Variants in USP53 observed in about 807,000 individuals in gnomAD.
The protein encoded by USP53 is ubiquitin specific peptidase 53, also known as ubiquitin carboxyl-terminal hydrolase 53.
Under a neutral mutation model 94.9 loss-of-function variants are expected in USP53, and 71 were observed. The observed-to-expected ratio is 0.75, with a 90% CI of 0.62 to 0.91. The LOEUF is 0.91. Among genes scored for constraint, USP53 ranks in the 40% least tolerant of loss-of-function variants. USP53 has a pLI of 0.00. For synonymous variants in USP53, 375 were observed against 422.7 expected (o/e 0.89, Z 1.39); for missense variants, 1,173 against 1,281.0 (o/e 0.92, Z 1.29).
At chr4:119,257,700 AT>A (rs1749958637) in intron 9 of USP53, among the ~76,000 whole-genome samples, 1 of 152,172 alleles carries the variant, frequency 6.6e-6, no homozygotes, top group African/African-American at 2.4e-5. Flanking sequence ...AATAATAACA[AT>A]TTCGTTATTT....
chr4:119,222,666 T>C (rs1744709876), intron 3 of USP53, among the ~76,000 whole-genome samples: 1 of 152,204 alleles, frequency 6.6e-6, no homozygotes, highest in East Asian at 1.9e-4. Context: ...CCATTATGTA[T>C]ACATACCACA....
chr4:119,257,153 G>C (rs1490681006), intron 9 of USP53, among the ~76,000 whole-genome samples: 1 of 152,088 alleles, frequency 6.6e-6, no homozygotes, highest in Non-Finnish European at 1.5e-5. Flanking sequence ...ATAAATATTT[G>C]GCATGTGGCT....
intron 17 of USP53, among the ~76,000 whole-genome samples, chr4:119,285,981 C>T (rs1266465300): frequency 6.6e-6 from 1 of 151,724 alleles, no homozygotes; most frequent in Non-Finnish European, 1.5e-5. Context: ...GTGCAAAAAG[C>T]ATTTATTGAC....
intron 3 of USP53, among the ~76,000 whole-genome samples, chr4:119,231,568 G>A (rs570877730): frequency 3.9e-5 from 6 of 152,244 alleles, no homozygotes; most frequent in Middle Eastern, 3.4e-3. Context: ...CCTCTGGGTT[G>A]GAGGTCCCCA....
At chr4:119,247,184 G>C (rs2149345526) in intron 6 of USP53, among the ~76,000 whole-genome samples, 1 of 152,096 alleles carries the variant, frequency 6.6e-6, no homozygotes, top group East Asian at 1.9e-4. Flanking sequence ...TAATTTCCTA[G>C]ACCAACTCTC....
chr4:119,227,256 T>TACACACAC (rs3138727), intron 3 of USP53, among the ~76,000 whole-genome samples: 3,218 of 125,054 alleles, frequency 0.026, 96 homozygotes, highest in African/African-American at 0.047. Context: ...TGTCTAACAC[T>TACACACAC]ACACACACAC....
chr4:119,229,710 C>T (rs1745794273), intron 3 of USP53, among the ~76,000 whole-genome samples: 2 of 152,148 alleles, frequency 1.3e-5, no homozygotes, highest in South Asian at 4.1e-4. Flanking sequence ...CCTGTGCATT[C>T]CTTCACCAGC....
At chr4:119,239,952 T>A in intron 5 of USP53, 49 bp downstream of exon 5, 1 of 1,342,630 alleles carries the variant, frequency 7.4e-7, no homozygotes, top group Non-Finnish European at 9.6e-7. Context: ...TTTCAGAAAA[T>A]CCTTTGTTTA....
intron 10 of USP53, 143 bp from the exon 11 acceptor site, chr4:119,260,364 C>G: frequency 1.8e-6 from 1 of 543,472 alleles, no homozygotes; most frequent in East Asian, 3.2e-5. Context: ...ATAATTAAGA[C>G]AAACAGCTTG....
In USP53 at chr4:119,273,677, T is replaced by A; in HGVS notation, c.2220T>A (p.Cys740Ter). Reference protein sequence around the residue: ...TSNLNKERGDCTSLQSQHHLE... With the variant: ...TSNLNKERGD The stretch of plus-strand genomic sequence containing the variant: ...ACCTAAATAAAGAACGTGGGGACTG[T>A]ACCTCCCTTCAGAGCCAACATCACT... The change falls in exon 17 of 19, where the codon TGT (cysteine) becomes TGA (stop). Residue 740 changes from cysteine (C) to a stop codon, truncating the protein, a stop_gained. Coordinates refer to ENST00000692078, the MANE Select transcript of USP53 (RefSeq NM_001371395.1). LOFTEE classifies it high-confidence loss of function. 6.2e-7 allele frequency: 1 copy of A among 1,612,838 alleles called. No individual in the cohort carries two copies. Among genetic ancestry groups the A allele is most frequent in the Non-Finnish European group, 8.5e-7 (1 of 1,179,270 alleles).
chr4:119,278,055 A>C (rs1270503376), intron 17 of USP53, among the ~76,000 whole-genome samples: 13 of 148,642 alleles, frequency 8.7e-5, no homozygotes, highest in African/African-American at 3.2e-4. Flanking sequence ...TCTTTATCCA[A>C]TTTGCCAGTC....
rs1747245651 is a variant in USP53 at position 119,239,586 on chromosome 4, G to A, written c.-174G>A. ...ATGTTTATGCACCCTATTGTTACTT[G>A]TCAGAGTCTTTAAGAGTTTATAACA... On this transcript the variant is annotated 5_prime_UTR_variant, in exon 5 of 19. Transcript: ENST00000692078. 1 of 689,446 alleles carries A rather than the reference G, an allele frequency of 1.5e-6. No homozygotes were observed. The allele number at this position is 689,446 out of a possible 1,614,324, so 42.7% of individuals were successfully genotyped here.
chr4:119,230,573 A>C (rs1017760109), intron 3 of USP53, among the ~76,000 whole-genome samples: 5 of 152,100 alleles, frequency 3.3e-5, no homozygotes, highest in African/African-American at 1.2e-4. Flanking sequence ...CTCTTGTCTT[A>C]CCTGTGTTGA....
At chr4:119,289,369 T>C (rs1425167167) in intron 17 of USP53, among the ~76,000 whole-genome samples, 1 of 152,354 alleles carries the variant, frequency 6.6e-6, no homozygotes, top group Middle Eastern at 3.4e-3. Flanking sequence ...TGTTTTTGCG[T>C]CATCAGTGTA....
rs1392727030 is a variant in USP53 at position 119,293,159 on chromosome 4, C to T, written c.3170C>T (p.Pro1057Leu). 1 of 1,612,066 alleles carries T rather than the reference C, an allele frequency of 6.2e-7. No homozygotes were observed. Among genetic ancestry groups the T allele is most frequent in the East Asian group, 2.2e-5 (1 of 44,870 alleles). ...TATAGATTGAAATACCATCAGAGGCCCAAGCTCTCTTTTCCAGAGAGCAGT... is the reference window on the plus strand; with the variant it reads ...TATAGATTGAAATACCATCAGAGGCTCAAGCTCTCTTTTCCAGAGAGCAGT... ...DTYRLKYHQR[P>L]KLSFPESSGF... The change falls in exon 19 of 19, where the codon CCC (proline) becomes CTC (leucine). Residue 1057 changes from proline (P) to leucine (L), a missense_variant. Physicochemically the swap from Pro to Leu is moderately conservative, Grantham distance 98. Coordinates refer to ENST00000692078, the MANE Select transcript of USP53 (RefSeq NM_001371395.1).
intron 10 of USP53, 94 bp downstream of exon 10, chr4:119,260,019 C>A: frequency 1.2e-6 from 1 of 803,706 alleles, no homozygotes; most frequent in Non-Finnish European, 1.8e-6. Context: ...GATTCTATAT[C>A]TAGAATTAGC....
intron 12 of USP53, among the ~76,000 whole-genome samples, chr4:119,263,461 C>T (rs1214242098): frequency 6.6e-6 from 1 of 152,010 alleles, no homozygotes; most frequent in African/African-American, 2.4e-5. Context: ...GAAAACTGTA[C>T]AGGGAAAAAG....
intron 17 of USP53, among the ~76,000 whole-genome samples, chr4:119,274,204 G>A (rs1292484055): frequency 2.7e-5 from 4 of 150,624 alleles, no homozygotes; most frequent in African/African-American, 7.3e-5. Flanking sequence ...CCACTAACTC[G>A]TCATCTAGCA....
chr4:119,293,069 C>T lies in USP53; in HGVS notation c.3080C>T (p.Thr1027Ile). 1 of 1,614,046 alleles carries T rather than the reference C, an allele frequency of 6.2e-7. No individual in the cohort carries two copies. The change falls in exon 19 of 19, where the codon ACC becomes ATC. Residue 1027 changes from threonine (T) to isoleucine (I), a missense_variant. Coordinates refer to ENST00000692078, the MANE Select transcript of USP53 (RefSeq NM_001371395.1). ...CAACCAGAACTAGACTCTATTTCTA[C>T]CTGTCCAAATGAGACAGTTTCATTA... ...FCQPELDSIS[T>I]CPNETVSLTT... is the part of the protein sequence containing the mutation.
Sources: gnomAD v4.1 joint callset for allele counts (sites outside exome capture counted in the v4.1 genomes callset) on GRCh38, gnomAD v4.1.1 for gene constraint, MANE v1.5 for transcripts, NCBI Gene and HGNC (gene_info 2026-07-23, HGNC 2026-07-21) for gene names.